The following CNTNAP2 variants were observed in gnomAD, a reference collection of about 807,000 sequenced individuals.
CNTNAP2 encodes the protein contactin-associated protein-like 2.
In CNTNAP2, 98 loss-of-function variants were observed where a neutral mutation model predicts 155.2. The ratio of observed to expected loss-of-function variants is 0.63; its 90% CI spans 0.54 to 0.75. The LOEUF is 0.75. Ranked by LOEUF, CNTNAP2 falls within the 30% of genes least tolerant of loss-of-function variation. The probability of loss-of-function intolerance (pLI) is 0.00; values close to 1 mark genes in which losing one functional copy is unlikely to be tolerated. For missense variants in CNTNAP2, 1,727 were observed against 1,688.1 expected (o/e 1.02, Z -0.40); for synonymous variants, 651 against 631.2 (o/e 1.03, Z -0.47).
chr7:146,386,428 G>T (rs761495393), intron 1 of CNTNAP2, among the ~76,000 whole-genome samples: 1 of 152,016 alleles, frequency 6.6e-6, no homozygotes, highest in Admixed American at 6.6e-5. Context: ...TAGCTCTGTC[G>T]CCCAGGCTGG....
chr7:148,303,095 G>A (rs1333439467), intron 21 of CNTNAP2, among the ~76,000 whole-genome samples: 2 of 152,076 alleles, frequency 1.3e-5, no homozygotes, highest in East Asian at 1.9e-4. Context: ...TTACAGGCAT[G>A]AGCCTTGGGT....
chr7:148,038,318 T>C (rs1344870221), intron 15 of CNTNAP2, among the ~76,000 whole-genome samples: 2 of 152,178 alleles, frequency 1.3e-5, no homozygotes, highest in Non-Finnish European at 2.9e-5. Flanking sequence ...GCTGTATGCA[T>C]TTCATGAATC....
intron 17 of CNTNAP2, among the ~76,000 whole-genome samples, chr7:148,149,872 A>G (rs1406178557): frequency 1.3e-5 from 2 of 152,010 alleles, no homozygotes; most frequent in Non-Finnish European, 2.9e-5. Flanking sequence ...TAATTTAGCA[A>G]TTGTAAAACC....
chr7:146,570,156 A>G (rs1001421964), intron 1 of CNTNAP2, among the ~76,000 whole-genome samples: 2 of 152,196 alleles, frequency 1.3e-5, no homozygotes, highest in African/African-American at 4.8e-5. Context: ...TACTACAGAA[A>G]AAAATTCCAT....
At chr7:147,130,941 A>T (rs148289185) in intron 7 of CNTNAP2, among the ~76,000 whole-genome samples, 1 of 152,072 alleles carries the variant, frequency 6.6e-6, no homozygotes, top group African/African-American at 2.4e-5. Context: ...GGTACAGAGC[A>T]AATTTAATTT....
intron 18 of CNTNAP2, among the ~76,000 whole-genome samples, chr7:148,173,514 C>T (rs1295270473): frequency 1.3e-5 from 2 of 152,214 alleles, no homozygotes; most frequent in Non-Finnish European, 2.9e-5. Context: ...CCATAACATT[C>T]TCTGTACCTC....
intron 1 of CNTNAP2, among the ~76,000 whole-genome samples, chr7:146,122,766 A>G (rs1797582515): frequency 6.6e-6 from 1 of 152,204 alleles, no homozygotes; most frequent in African/African-American, 2.4e-5. Flanking sequence ...GCCATTTAAA[A>G]TACAGCCTAT....
intron 12 of CNTNAP2, among the ~76,000 whole-genome samples, chr7:147,583,949 TGAA>T (rs1563008532): frequency 6.6e-6 from 1 of 152,150 alleles, no homozygotes; most frequent in East Asian, 1.9e-4. Context: ...TATCAAAACT[TGAA>T]GAATAGGCCT....
chr7:147,467,231 G>A (rs10270661), intron 10 of CNTNAP2, among the ~76,000 whole-genome samples: 118,702 of 152,122 alleles, frequency 0.78, 46,673 homozygotes, highest in African/African-American at 0.87. Flanking sequence ...CACTTCAAAT[G>A]ATATAGTTAT....
intron 1 of CNTNAP2, among the ~76,000 whole-genome samples, chr7:146,496,262 G>A (rs986772047): frequency 1.5e-4 from 23 of 152,134 alleles, no homozygotes; most frequent in African/African-American, 5.6e-4. Context: ...CACAATACGC[G>A]TGGACATGTG....
At chr7:146,616,207 C>T (rs950429459) in intron 1 of CNTNAP2, among the ~76,000 whole-genome samples, 2 of 151,936 alleles carry the variant, frequency 1.3e-5, no homozygotes, top group Non-Finnish European at 2.9e-5. Context: ...AATCACAACT[C>T]GGGAGCAGAA....
chr7:147,391,786 C>T (rs1269001077), intron 9 of CNTNAP2, among the ~76,000 whole-genome samples: 11 of 152,114 alleles, frequency 7.2e-5, no homozygotes, highest in African/African-American at 2.2e-4. Flanking sequence ...TTTATAGTCA[C>T]GCTTCCTTGT....
intron 15 of CNTNAP2, among the ~76,000 whole-genome samples, chr7:147,986,138 GC>G (rs1289494355): frequency 6.6e-6 from 1 of 152,078 alleles, no homozygotes; most frequent in Non-Finnish European, 1.5e-5. Context: ...AAGAGAGGTT[GC>G]CTCAGGCAAT....
rs1424153306 is a variant in CNTNAP2, at chr7:148,383,902, CAACCTCAGGCAGGTTGCTTCATTTCTTTA to C, written c.3715+23_3715+51del. On this transcript the variant is annotated intron_variant, in intron 22 of 23. Transcript: ENST00000361727. ...ACCTGGATTCAGGTAAAGTCTTCAG[CAACCTCAGGCAGGTTGCTTCATTTCTTTA>C]AACCTCAGTCTCTTGGGACTATGGA... 1.4e-5 allele frequency: 22 copies of C among 1,610,592 alleles called. No homozygotes were observed. Among genetic ancestry groups the C allele is most frequent in the Non-Finnish European group, 1.9e-5 (22 of 1,178,810 alleles).
At chr7:147,251,132 T>C (rs1198946539) in intron 8 of CNTNAP2, among the ~76,000 whole-genome samples, 1 of 152,142 alleles carries the variant, frequency 6.6e-6, no homozygotes, top group Non-Finnish European at 1.5e-5. Context: ...ACCCTTTCAC[T>C]ATTAGTCCTC....
At chr7:148,303,872 A>G (rs948769732) in intron 21 of CNTNAP2, among the ~76,000 whole-genome samples, 2 of 152,248 alleles carry the variant, frequency 1.3e-5, no homozygotes, top group African/African-American at 4.8e-5. Flanking sequence ...TACATTAGGA[A>G]GGAAAGTTGT....
At chr7:146,886,997 C>A (rs951810802) in intron 3 of CNTNAP2, among the ~76,000 whole-genome samples, 3 of 151,794 alleles carry the variant, frequency 2.0e-5, no homozygotes, top group African/African-American at 7.3e-5. Flanking sequence ...CATGTAAAAA[C>A]CCTTAACTCC....
At position 146,438,632 on chromosome 7, in the gene CNTNAP2, G is replaced by A. The variant is rs146278609; in HGVS notation, c.97+321659G>A. Among the ~76,000 whole-genome samples, 83 of 151,514 alleles carry A rather than the reference G, an allele frequency of 5.5e-4. 2 individuals carry two copies. Among genetic ancestry groups the A allele is most frequent in the African/African-American group, 1.9e-3 (77 of 40,940 alleles). Reference sequence around the variant, plus strand: ...ATGAAAATAGCAATAATACTACTAAGAGTTTCTTTTTAAATAGTTTTCCAA... The same window carrying A: ...ATGAAAATAGCAATAATACTACTAAAAGTTTCTTTTTAAATAGTTTTCCAA... On this transcript the variant is annotated intron_variant, in intron 1 of 23. Coordinates refer to ENST00000361727, the MANE Select transcript of CNTNAP2 (RefSeq NM_014141.6).
intron 18 of CNTNAP2, among the ~76,000 whole-genome samples, chr7:148,178,240 A>G (rs1257982318): frequency 1.3e-5 from 2 of 152,216 alleles, no homozygotes; most frequent in African/African-American, 4.8e-5. Context: ...AAAAATGTTC[A>G]TGTTCATATG....
Sources: allele counts gnomAD v4.1 joint callset (sites outside exome capture counted in the v4.1 genomes callset), GRCh38; gene constraint gnomAD v4.1.1; transcripts MANE v1.5; gene names NCBI Gene and HGNC (gene_info 2026-07-23, HGNC 2026-07-21).